SPATA31C2: variants seen among roughly 807,000 people sequenced by gnomAD.
SPATA31C2 encodes the protein SPATA31 subfamily C member 2, also known as spermatogenesis-associated protein 31C2.
SPATA31C2 carries 5 observed loss-of-function variants against 11.4 expected under a neutral mutation model. The ratio of observed to expected loss-of-function variants is 0.44; its 90% confidence interval spans 0.23 to 0.92. The LOEUF (loss-of-function observed/expected upper bound fraction) is 0.92. Ranked by LOEUF, SPATA31C2 falls within the 40% of genes least tolerant of loss-of-function variation. The pLI is 0.24. For missense variants in SPATA31C2, 1,353 were observed against 1,368.6 expected (o/e 0.99, Z 0.18); for synonymous variants, 515 against 538.7 (o/e 0.96, Z 0.61).
rs1825609751 is a variant in SPATA31C2, at chr9:88,132,177, G to A, written c.860C>T (p.Ser287Phe). Residue 287 changes from serine (S) to phenylalanine (F), a missense_variant, in exon 4 of 4, where the codon TCC becomes TTC. Physicochemically the swap from Ser to Phe is radical, Grantham distance 155. Coordinates refer to ENST00000324915, the MANE Select transcript of SPATA31C2 (RefSeq NM_001350978.3). ...GGSNSQVSAL[S>F]WSQETTKTWC... ...GGTTTTGGTAGTCTCCTGCGACCAG[G>A]AGAGGGCAGAAACTTGACTGTTTGA... is the stretch of plus-strand genomic sequence containing the variant. The A allele has an allele frequency of 6.2e-7, 1 of 1,610,540 alleles. No individual in the cohort carries two copies. Among genetic ancestry groups the A allele is most frequent in the Non-Finnish European group, 8.5e-7 (1 of 1,177,620 alleles).
intron 1 of SPATA31C2, among the ~76,000 whole-genome samples, chr9:88,135,739 G>A (rs1324258679): frequency 7.6e-6 from 1 of 131,532 alleles, no homozygotes; most frequent in Non-Finnish European, 1.6e-5. Context: ...GGATGGCCTC[G>A]ATCTCCGGAC....
At position 88,132,366 on chromosome 9, in the gene SPATA31C2, G is replaced by A. The variant is rs746767409; in HGVS notation, c.671C>T (p.Pro224Leu). Residue 224 changes from proline to leucine, a missense_variant, in exon 4 of 4, where the codon CCG becomes CTG. Physicochemically the swap from Pro to Leu is moderately conservative, Grantham distance 98. This residue lies in a region of SPATA31C2 where 1,075 missense variants were observed against 992.8 expected (regional missense o/e 1.08). Coordinates refer to ENST00000324915, the MANE Select transcript of SPATA31C2 (RefSeq NM_001350978.3). ...PRTPDPLACSPPPPKGFTPPP... is the reference protein window; with the variant it reads ...PRTPDPLACSLPPPKGFTPPP... ...AGGAGTGAAGCCTTTCGGAGGAGGC[G>A]GAGAGCAGGCCAGAGGATCAGGAGT... 4.3e-5 allele frequency: 70 copies of A among 1,610,964 alleles called. No homozygotes were observed. Among genetic ancestry groups the A allele is most frequent in the Admixed American group, 1.3e-4 (8 of 59,834 alleles).
In SPATA31C2 at chr9:88,131,739, T is replaced by C. The variant is rs773905943; in HGVS notation, c.1298A>G (p.Glu433Gly). 1.3e-5 allele frequency: 21 copies of C among 1,611,914 alleles called. No homozygotes were observed. Among genetic ancestry groups the C allele is most frequent in the East Asian group, 4.5e-5 (2 of 44,870 alleles). The change falls in exon 4 of 4, where the codon GAA becomes GGA. Residue 433 changes from glutamate to glycine, a missense_variant. Transcript: ENST00000324915. ...CTCAGGCAGAATGGATGTCAGTCTTTCCTGGGGAAGGTTAGGAGTGGAGAC... is the reference window on the plus strand; with the variant it reads ...CTCAGGCAGAATGGATGTCAGTCTTCCCTGGGGAAGGTTAGGAGTGGAGAC... ...FSVSTPNLPQ[E>G]RLTSILPENF...
Position 88,131,255 on chromosome 9 carries a change from C to T in SPATA31C2, c.1782G>A (p.Val594=). 6.2e-7 allele frequency: 1 copy of T among 1,611,898 alleles called. No homozygotes were observed. Among genetic ancestry groups the T allele is most frequent in the Non-Finnish European group, 8.5e-7 (1 of 1,179,866 alleles). ...LGQTNEGLIP[V]SVRRSWLAVN... ...CAGCAAGCCAGGATCGACGCACACT[C>T]ACGGGGATCAAGCCCTCGTTGGTCT... The change falls in exon 4 of 4, where the codon GTG becomes GTA. Residue 594 remains valine, a synonymous_variant. Coordinates refer to ENST00000324915, the MANE Select transcript of SPATA31C2 (RefSeq NM_001350978.3).
In SPATA31C2 at chr9:88,131,679, A is replaced by G; in HGVS notation, c.1358T>C (p.Leu453Pro). The G allele has an allele frequency of 6.2e-7, 1 of 1,612,004 alleles. No homozygotes were observed. Among genetic ancestry groups the G allele is most frequent in the East Asian group, 2.2e-5 (1 of 44,858 alleles). Reference sequence around the variant, plus strand: ...TCCACGTTGCCCCATGTGTTGCTCCAGTTGTCTCCAGAGTTCAGGACTGAC... The same window carrying G: ...TCCACGTTGCCCCATGTGTTGCTCCGGTTGTCTCCAGAGTTCAGGACTGAC... ...FPVSPELWRQ[L>P]EQHMGQRGRI... Residue 453 changes from leucine to proline, a missense_variant, in exon 4 of 4, where the codon CTG (leucine) becomes CCG (proline). Around this residue, in one of 6 missense-constraint regions of SPATA31C2, gnomAD observed 1,075 missense variants for 992.8 expected, o/e 1.08. Transcript: ENST00000324915.
Position 88,129,758 on chromosome 9 carries a change from G to A in SPATA31C2, c.3279C>T (p.Pro1093=). 1 of 1,604,010 alleles carries A rather than the reference G, an allele frequency of 6.2e-7. No individual in the cohort carries two copies. The part of the protein sequence containing the change: ...QQFQAPVCGF[P]CNHRHPFYSE... The stretch of plus-strand genomic sequence containing the variant: ...AGTAGAACGGGTGTCTGTGGTTGCA[G>A]GGAAACCCACAGACTGGGGCTTGAA... The change falls in exon 4 of 4, where the codon CCC becomes CCT. Residue 1093 remains proline (P), a synonymous_variant. Transcript: ENST00000324915.
rs1368538754 is a variant in SPATA31C2, at chr9:88,131,738, T to G, written c.1299A>C (p.Glu433Asp). Reference sequence around the variant, plus strand: ...TCTCAGGCAGAATGGATGTCAGTCTTTCCTGGGGAAGGTTAGGAGTGGAGA... The same window carrying G: ...TCTCAGGCAGAATGGATGTCAGTCTGTCCTGGGGAAGGTTAGGAGTGGAGA... ...FSVSTPNLPQ[E>D]RLTSILPENF... The change falls in exon 4 of 4, where the codon GAA becomes GAC. Residue 433 changes from glutamate to aspartate, a missense_variant. Physicochemically the swap from Glu to Asp is conservative, Grantham distance 45. Around this residue, in one of 6 missense-constraint regions of SPATA31C2, gnomAD observed 1,075 missense variants for 992.8 expected, o/e 1.08. Coordinates refer to ENST00000324915, the MANE Select transcript of SPATA31C2 (RefSeq NM_001350978.3). The G allele has an allele frequency of 6.2e-7, 1 of 1,611,908 alleles. No individual in the cohort carries two copies.
In SPATA31C2 at chr9:88,136,905, GGGAAACCTGAATATAT is replaced by G. The variant is rs781601362; in HGVS notation, c.189+1337_189+1352del. 3.0e-3 allele frequency among the ~76,000 whole-genome samples: 389 copies of G among 127,730 alleles called. 3 individuals are homozygous for G. Among genetic ancestry groups the G allele is most frequent in the Admixed American group, 6.8e-3 (74 of 10,934 alleles). The allele number at this position is 127,730 out of a possible 152,430, so 83.8% of individuals were successfully genotyped here. On this transcript the variant is annotated intron_variant, in intron 1 of 3. Coordinates refer to ENST00000324915, the MANE Select transcript of SPATA31C2 (RefSeq NM_001350978.3). ...TGTGGCTATAAAATTTCTATTCAGA[GGGAAACCTGAATATAT>G]GGAAACTGGAGATTACTGCAAGACC...
In SPATA31C2 at chr9:88,130,820, C is replaced by G. The variant is rs1563961631; in HGVS notation, c.2217G>C (p.Lys739Asn). 6.2e-7 allele frequency: 1 copy of G among 1,613,034 alleles called. No homozygotes were observed. The highest frequency in any genetic ancestry group is 8.5e-7 in the Non-Finnish European group (1 of 1,179,884). Residue 739 changes from lysine (K) to asparagine (N), a missense_variant, in exon 4 of 4, where the codon AAG (lysine) becomes AAC (asparagine). Coordinates refer to ENST00000324915, the MANE Select transcript of SPATA31C2 (RefSeq NM_001350978.3). Reference sequence around the variant, plus strand: ...TCCCTCGCGGGGCCCTCTGGAACTGCTTACATGCAGGTGAGGAGGCCTGAA... The same window carrying G: ...TCCCTCGCGGGGCCCTCTGGAACTGGTTACATGCAGGTGAGGAGGCCTGAA... ...ERLQASSPAC[K>N]QFQRAPRGIP...
At position 88,130,762 on chromosome 9, in the gene SPATA31C2, C is replaced by A. The variant is rs780776007; in HGVS notation, c.2275G>T (p.Ala759Ser). 3 of 1,613,260 alleles carry A rather than the reference C, an allele frequency of 1.9e-6. No individual in the cohort carries two copies. The highest frequency in any genetic ancestry group is 4.5e-5 in the East Asian group (2 of 44,882). Residue 759 changes from alanine (A) to serine (S), a missense_variant, in exon 4 of 4, where the codon GCT (alanine) becomes TCT (serine). Transcript: ENST00000324915. ...PSSNDHGSLK[A>S]PTAGQEGRWP... Reference sequence around the variant, plus strand: ...CTGCCCTCCTGTCCAGCTGTAGGAGCCTTCAAGGACCCATGATCATTCGAA... The same window carrying A: ...CTGCCCTCCTGTCCAGCTGTAGGAGACTTCAAGGACCCATGATCATTCGAA...
At position 88,130,302 on chromosome 9, in the gene SPATA31C2, A is replaced by T. The variant is rs1384091390; in HGVS notation, c.2735T>A (p.Met912Lys). The T allele has an allele frequency of 6.2e-7, 1 of 1,608,958 alleles. No homozygotes were observed. Among genetic ancestry groups the T allele is most frequent in the African/African-American group, 1.3e-5 (1 of 74,660 alleles). ...GHLQSMPTGN[M>K]QASQELCDLM... ...GTCACATAGCTCCTGGGAAGCCTGC[A>T]TGTTCCCAGTAGGCATGCTCTGGAG... Residue 912 changes from methionine (M) to lysine (K), a missense_variant, in exon 4 of 4, where the codon ATG becomes AAG. Transcript: ENST00000324915.
Position 88,131,443 on chromosome 9 carries a change from T to A in SPATA31C2, c.1594A>T (p.Met532Leu), listed in dbSNP as rs752336639. 7 of 1,611,844 alleles carry A rather than the reference T, an allele frequency of 4.3e-6. No individual in the cohort carries two copies. Among genetic ancestry groups the A allele is most frequent in the Non-Finnish European group, 5.9e-6 (7 of 1,179,852 alleles). ...GETPQNLSRG[M>L]ESFPGKVLGA... ...AGAACCTTCCCTGGGAAGCTTTCCA[T>A]GCCCCTGGATAGATTTTGTGGGGTC... Residue 532 changes from methionine to leucine, a missense_variant, in exon 4 of 4, where the codon ATG (methionine) becomes TTG (leucine). By Grantham distance (15) the Met-to-Leu change is conservative. Transcript: ENST00000324915.
At position 88,130,375 on chromosome 9, in the gene SPATA31C2, C is replaced by G. The variant is rs767075042; in HGVS notation, c.2662G>C (p.Val888Leu). 1 of 1,610,964 alleles carries G rather than the reference C, an allele frequency of 6.2e-7. No homozygotes were observed. Among genetic ancestry groups the G allele is most frequent in the Non-Finnish European group, 8.5e-7 (1 of 1,179,380 alleles). Residue 888 changes from valine (V) to leucine (L), a missense_variant, in exon 4 of 4, where the codon GTG (valine) becomes CTG (leucine). Transcript: ENST00000324915. ...VLLPDGQASV[V>L]PHASENLASQ... ...GCCAAATTCTCTGAAGCATGGGGCA[C>G]AACAGATGCTTGCCCATCTGGAAGG...
rs761771244 is a variant in SPATA31C2, at chr9:88,131,658, C to T, written c.1379G>A (p.Arg460His). The T allele has an allele frequency of 1.9e-5, 31 of 1,611,828 alleles. No homozygotes were observed. The highest frequency in any genetic ancestry group is 1.4e-4 in the South Asian group (13 of 90,998). ...ATCCAGAGACTCTTGGATCCTTCCA[C>T]GTTGCCCCATGTGTTGCTCCAGTTG... is the stretch of plus-strand genomic sequence containing the variant. ...WRQLEQHMGQ[R>H]GRIQESLDLM... Residue 460 changes from arginine to histidine, a missense_variant, in exon 4 of 4, where the codon CGT (arginine) becomes CAT (histidine). Transcript: ENST00000324915.
In SPATA31C2 at chr9:88,134,547, C is replaced by T. The variant is rs766978650; in HGVS notation, c.190-878G>A. Among the ~76,000 whole-genome samples, 1,422 of 144,912 alleles carry T rather than the reference C, an allele frequency of 9.8e-3. 1 individual carries two copies. Among genetic ancestry groups the T allele is most frequent in the Non-Finnish European group, 0.014 (924 of 66,356 alleles). ...TTTGATTTTGCCTTCATGCCTCCTG[C>T]GCTCCCCCACAGATGGACTGAGAGC... On this transcript the variant is annotated intron_variant, in intron 1 of 3. Transcript: ENST00000324915.
At chr9:88,134,445 C>T (rs1379224879) in intron 1 of SPATA31C2, among the ~76,000 whole-genome samples, 19 of 150,968 alleles carry the variant, frequency 1.3e-4, no homozygotes, top group Non-Finnish European at 5.9e-5. Context: ...GGCCTGGCCT[C>T]GGACAGAGAC....
In SPATA31C2 at chr9:88,130,612, C is replaced by A. The variant is rs769245115; in HGVS notation, c.2425G>T (p.Gly809Ter). Residue 809 changes from glycine to a stop codon, truncating the protein, a stop_gained, in exon 4 of 4, where the codon GGA becomes TGA. Transcript: ENST00000324915. LOFTEE classifies it low-confidence loss of function (END_TRUNC). ...EAVPQPTVPL[G>*]TCMRANLQAT... ...TGGAGGTTTGCTCTCATACAGGTTC[C>A]CAAGGGGACTGTGGGTTGTGGCACT... The A allele has an allele frequency of 6.2e-7, 1 of 1,613,564 alleles. No homozygotes were observed. The highest frequency in any genetic ancestry group is 2.2e-5 in the East Asian group (1 of 44,832).
Position 88,130,411 on chromosome 9 carries a change from T to C in SPATA31C2, c.2626A>G (p.Thr876Ala), listed in dbSNP as rs200388591. The C allele has an allele frequency of 4.2e-3, 6,717 of 1,604,442 alleles. 253 individuals carry two copies. In the Admixed American group the frequency reaches 0.043, roughly 10 times the overall value. Residue 876 changes from threonine to alanine, a missense_variant, in exon 4 of 4, where the codon ACT becomes GCT. By Grantham distance (58) the Thr-to-Ala change is moderately conservative. Around this residue, in one of 6 missense-constraint regions of SPATA31C2, gnomAD observed 1,075 missense variants for 992.8 expected, o/e 1.08. Transcript: ENST00000324915. ...TGCCCATCTGGAAGGAGCACAACAGTGGCAGAAACTTGAGGCTGGGTCTCT... is the reference window on the plus strand; with the variant it reads ...TGCCCATCTGGAAGGAGCACAACAGCGGCAGAAACTTGAGGCTGGGTCTCT... ...KSETQPQVSA[T>A]VVLLPDGQAS...
Position 88,130,245 on chromosome 9 carries a change from T to G in SPATA31C2, c.2792A>C (p.His931Pro). ...ACAGTTTGGGTTCCTGGGCTCCTTG[T>G]GCCCCATGTTACTCCTTCTGGCTGA... ...LMSARRSNMG[H>P]KEPRNPNCQG... The change falls in exon 4 of 4, where the codon CAC becomes CCC. Residue 931 changes from histidine to proline, a missense_variant. By Grantham distance (77) the His-to-Pro change is moderately conservative. Coordinates refer to ENST00000324915, the MANE Select transcript of SPATA31C2 (RefSeq NM_001350978.3). 1 of 1,609,378 alleles carries G rather than the reference T, an allele frequency of 6.2e-7. No individual in the cohort carries two copies. The highest frequency in any genetic ancestry group is 8.5e-7 in the Non-Finnish European group (1 of 1,178,282).
Sources: gnomAD v4.1 joint callset for allele counts (sites outside exome capture counted in the v4.1 genomes callset) on GRCh38, gnomAD v4.1.1 for gene constraint, gnomAD v4.1.1 regional missense constraint, MANE v1.5 for transcripts, NCBI Gene and HGNC (gene_info 2026-07-23, HGNC 2026-07-21) for gene names.